Variants in MAST4 observed in about 807,000 individuals in gnomAD.
The protein encoded by MAST4 is microtubule associated serine/threonine kinase family member 4, also known as microtubule-associated serine/threonine-protein kinase 4.
MAST4 carries 89 observed loss-of-function variants against 162.7 expected under a neutral mutation model. That is an observed-to-expected ratio of 0.55 (90% confidence interval 0.46 to 0.65). The LOEUF is 0.65. MAST4 is among the 30% of genes least tolerant of loss of function. MAST4 has a pLI of 0.00. For synonymous variants in MAST4, 1,479 were observed against 1,361.1 expected (o/e 1.09, Z -1.91); for missense variants, 3,153 against 3,374.0 (o/e 0.93, Z 1.62).
At chr5:67,018,335 G>C (rs1253561594) in intron 4 of MAST4, among the ~76,000 whole-genome samples, 1 of 152,112 alleles carries the variant, frequency 6.6e-6, no homozygotes, top group Non-Finnish European at 1.5e-5. Context: ...TTCAAGACCA[G>C]CCTAGGCAAT....
intron 5 of MAST4, among the ~76,000 whole-genome samples, chr5:67,078,332 T>C (rs971996385): frequency 2.4e-5 from 3 of 127,058 alleles, no homozygotes; most frequent in African/African-American, 9.7e-5. Context: ...TGCCTTGATG[T>C]GAAAAAAAAA....
chr5:66,941,295 G>A (rs1253461527), intron 4 of MAST4, among the ~76,000 whole-genome samples: 1 of 152,150 alleles, frequency 6.6e-6, no homozygotes, highest in East Asian at 1.9e-4. Context: ...AGCTATGAAA[G>A]TCCCAGAAGG....
At chr5:66,717,747 AT>A (rs1200858515) in intron 1 of MAST4, among the ~76,000 whole-genome samples, 1 of 152,128 alleles carries the variant, frequency 6.6e-6, no homozygotes, top group African/African-American at 2.4e-5. Context: ...TTGGCCTCAG[AT>A]TTGTGTGGTG....
intron 4 of MAST4, among the ~76,000 whole-genome samples, chr5:67,008,075 A>T (rs1196998923): frequency 6.6e-6 from 1 of 152,222 alleles, no homozygotes; most frequent in Non-Finnish European, 1.5e-5. Context: ...TGTATAGCTT[A>T]CATGTTCCAT....
intron 1 of MAST4, among the ~76,000 whole-genome samples, chr5:66,650,477 A>G (rs1376097336): frequency 6.6e-6 from 1 of 152,176 alleles, no homozygotes; most frequent in Non-Finnish European, 1.5e-5. Context: ...ATATCATTGT[A>G]TAATATTTTT....
At chr5:67,154,057 A>G (rs1772179514) in intron 26 of MAST4, among the ~76,000 whole-genome samples, 1 of 152,252 alleles carries the variant, frequency 6.6e-6, no homozygotes, top group Admixed American at 6.5e-5. Flanking sequence ...AATAAGTGGT[A>G]CTGAAAGAAG....
At chr5:66,682,676 G>C (rs1392544014) in intron 1 of MAST4, among the ~76,000 whole-genome samples, 3 of 152,214 alleles carry the variant, frequency 2.0e-5, no homozygotes, top group Non-Finnish European at 4.4e-5. Flanking sequence ...GCCGTTGGTA[G>C]CAATCTACTT....
intron 4 of MAST4, among the ~76,000 whole-genome samples, chr5:66,947,740 G>A (rs942220634): frequency 6.6e-6 from 1 of 152,134 alleles, no homozygotes; most frequent in African/African-American, 2.4e-5. Context: ...GTTGGGTAGT[G>A]TATCCCGGAC....
At chr5:66,675,022 G>A (rs1157814308) in intron 1 of MAST4, among the ~76,000 whole-genome samples, 1 of 152,154 alleles carries the variant, frequency 6.6e-6, no homozygotes, top group Non-Finnish European at 1.5e-5. Context: ...GGCTGCCACA[G>A]TGCCCCTGCT....
intron 4 of MAST4, among the ~76,000 whole-genome samples, chr5:66,904,934 A>T (rs1763248135): frequency 6.6e-6 from 1 of 152,060 alleles, no homozygotes; most frequent in Admixed American, 6.5e-5. Flanking sequence ...GCCTCCCTGC[A>T]CTAATAGACC....
chr5:66,641,940 A>G (rs1341038784), intron 1 of MAST4, among the ~76,000 whole-genome samples: 1 of 152,246 alleles, frequency 6.6e-6, no homozygotes, highest in African/African-American at 2.4e-5. Flanking sequence ...GCACCTCCGG[A>G]TGATGAATAG....
chr5:67,079,514 C>T (rs890093801), intron 5 of MAST4, among the ~76,000 whole-genome samples: 3 of 151,982 alleles, frequency 2.0e-5, no homozygotes, highest in Non-Finnish European at 4.4e-5. Context: ...GAGGTGGGGA[C>T]GCAAAGTCTG....
chr5:66,843,580 C>T lies in MAST4; in HGVS notation c.642+54786C>T, dbSNP rs182094516. Among the ~76,000 whole-genome samples, 171 of 152,148 alleles carry T rather than the reference C, an allele frequency of 1.1e-3. 2 individuals are homozygous for T. The South Asian group carries it at 0.017, about 16-fold the overall frequency. ...TCAATATGTGATGAGGCTGAGTATC[C>T]GGCATTAAGTTTGGAAGAAGGAACA... On this transcript the variant is annotated intron_variant, in intron 3 of 28. Coordinates refer to ENST00000403625, the MANE Select transcript of MAST4 (RefSeq NM_001164664.2).
At chr5:67,000,065 G>A (rs1751110004) in intron 4 of MAST4, among the ~76,000 whole-genome samples, 1 of 152,172 alleles carries the variant, frequency 6.6e-6, no homozygotes, top group Admixed American at 6.5e-5. Context: ...GCTCATTCAG[G>A]ACAGCCAGTT....
chr5:66,892,387 A>G (rs1013417275), intron 3 of MAST4, among the ~76,000 whole-genome samples: 1 of 152,178 alleles, frequency 6.6e-6, no homozygotes, highest in Non-Finnish European at 1.5e-5. Context: ...TACAGTGAGT[A>G]AAGTCCTTTC....
intron 1 of MAST4, among the ~76,000 whole-genome samples, chr5:66,605,095 C>A (rs1029752327): frequency 6.6e-6 from 1 of 152,186 alleles, no homozygotes. Context: ...TCCCTATAAG[C>A]ATATCTACCT....
At chr5:67,078,911 AATATAT>A (rs750951069) in intron 5 of MAST4, among the ~76,000 whole-genome samples, 12 of 38,104 alleles carry the variant, frequency 3.1e-4, no homozygotes, top group African/African-American at 1.2e-3. Context: ...TTTTTATATA[AATATAT>A]ATATATATAT....
At chr5:67,121,553 A>G (rs1363167265) in intron 14 of MAST4, among the ~76,000 whole-genome samples, 1 of 151,930 alleles carries the variant, frequency 6.6e-6, no homozygotes, top group East Asian at 1.9e-4. Flanking sequence ...ATGTCTTTAA[A>G]TAAGTCTGGT....
chr5:66,902,848 AC>A (rs1763097649), intron 4 of MAST4: 1 of 351,492 alleles, frequency 2.8e-6, no homozygotes, highest in African/African-American at 2.2e-5. Flanking sequence ...GCTTCTTCTG[AC>A]CCCAGATTCT....
Sources: gnomAD v4.1 joint callset for allele counts (sites outside exome capture counted in the v4.1 genomes callset) on GRCh38, gnomAD v4.1.1 for gene constraint, MANE v1.5 for transcripts, NCBI Gene and HGNC (gene_info 2026-07-23, HGNC 2026-07-21) for gene names.